Variants in TTC29 observed in about 807,000 individuals in gnomAD.
TTC29 encodes the protein tetratricopeptide repeat protein 29.
A neutral mutation model predicts 58.1 loss-of-function variants in TTC29; 49 were observed. The observed-to-expected ratio is 0.84, with a 90% confidence interval of 0.67 to 1.07. The LOEUF is 1.07. Among genes scored for constraint, TTC29 ranks in the 50% least tolerant of loss-of-function variants. The pLI is 0.00. For synonymous variants in TTC29, 209 were observed against 196.8 expected (o/e 1.06, Z -0.52); for missense variants, 582 against 555.6 (o/e 1.05, Z -0.48).
chr4:146,917,433 G>A (rs1372297083), intron 4 of TTC29, among the ~76,000 whole-genome samples: 5 of 147,532 alleles, frequency 3.4e-5, no homozygotes, highest in Non-Finnish European at 7.5e-5. Flanking sequence ...TGATTTTTTT[G>A]CAGAATTTAT....
intron 9 of TTC29, among the ~76,000 whole-genome samples, chr4:146,828,620 T>C (rs12512057): frequency 0.062 from 9,465 of 152,062 alleles, 396 homozygotes; most frequent in Admixed American, 0.13. Context: ...TCAAGATATA[T>C]ACAAACAAAG....
chr4:146,894,416 A>C (rs1180410849), intron 6 of TTC29, among the ~76,000 whole-genome samples: 1 of 151,854 alleles, frequency 6.6e-6, no homozygotes, highest in Non-Finnish European at 1.5e-5. Context: ...CATTCTCAGC[A>C]AACTATCACA....
At chr4:146,737,044 G>A (rs1744756998) in intron 11 of TTC29, among the ~76,000 whole-genome samples, 2 of 152,150 alleles carry the variant, frequency 1.3e-5, no homozygotes, top group African/African-American at 4.8e-5. Context: ...CTGCCACTTT[G>A]ATCAAAGAAG....
At chr4:146,725,954 C>T (rs768309000) in intron 11 of TTC29, among the ~76,000 whole-genome samples, 1 of 152,114 alleles carries the variant, frequency 6.6e-6, no homozygotes, top group Non-Finnish European at 1.5e-5. Flanking sequence ...TCCACTGCAG[C>T]CTGCAACTCC....
chr4:146,928,032 A>G (rs976546912), intron 4 of TTC29, among the ~76,000 whole-genome samples: 2 of 152,178 alleles, frequency 1.3e-5, no homozygotes, highest in African/African-American at 4.8e-5. Context: ...TGCACTGGAG[A>G]TTACAAGATA....
At position 146,874,765 on chromosome 4, in the gene TTC29, G is replaced by A. The variant is rs763399136; in HGVS notation, c.750C>T (p.Tyr250=). Reference sequence around the variant, plus strand: ...TTATTAGAATTTTGATGGCCTGTTTGTATTCTTTATTTTCTAGCATTTTGT... The same window carrying A: ...TTATTAGAATTTTGATGGCCTGTTTATATTCTTTATTTTCTAGCATTTTGT... ...LSDKMLENKE[Y]KQAIKILIKA... Residue 250 remains tyrosine, a synonymous_variant, in exon 7 of 13, where the codon TAC becomes TAT. Transcript: ENST00000325106. 2 of 1,609,224 alleles carry A rather than the reference G, an allele frequency of 1.2e-6. No individual in the cohort carries two copies. Among genetic ancestry groups the A allele is most frequent in the East Asian group, 4.5e-5 (2 of 44,668 alleles).
chr4:146,864,915 AT>A (rs35568981), intron 8 of TTC29, among the ~76,000 whole-genome samples: 9,079 of 146,542 alleles, frequency 0.062, 402 homozygotes, highest in East Asian at 0.13. Context: ...TAGGAAGTAG[AT>A]TTTTTTTTTT....
chr4:146,854,196 G>T (rs1729690033), intron 8 of TTC29, among the ~76,000 whole-genome samples: 1 of 152,028 alleles, frequency 6.6e-6, no homozygotes, highest in Non-Finnish European at 1.5e-5. Flanking sequence ...TCCCAAATAA[G>T]CCACATGTAC....
intron 11 of TTC29, among the ~76,000 whole-genome samples, chr4:146,792,009 A>C (rs1749492806): frequency 1.3e-5 from 2 of 152,228 alleles, no homozygotes; most frequent in Admixed American, 1.3e-4. Flanking sequence ...ATTGGTTAAG[A>C]GAAGAAGTCA....
chr4:146,771,775 G>A (rs1213283300), intron 11 of TTC29, among the ~76,000 whole-genome samples: 1 of 152,020 alleles, frequency 6.6e-6, no homozygotes, highest in Non-Finnish European at 1.5e-5. Context: ...GGTATACACC[G>A]AGTAACAGGG....
intron 9 of TTC29, among the ~76,000 whole-genome samples, chr4:146,832,051 C>G (rs1438853469): frequency 1.3e-5 from 2 of 152,158 alleles, no homozygotes; most frequent in African/African-American, 2.4e-5. Flanking sequence ...CACCCACCAC[C>G]ACACCCAGCT....
At chr4:146,917,716 C>T (rs1280559225) in intron 4 of TTC29, among the ~76,000 whole-genome samples, 1 of 121,438 alleles carries the variant, frequency 8.2e-6, no homozygotes, top group Admixed American at 9.1e-5. Context: ...ATATGATACA[C>T]AATTTATATA....
intron 9 of TTC29, among the ~76,000 whole-genome samples, chr4:146,829,833 G>A (rs1728044197): frequency 6.6e-6 from 1 of 152,140 alleles, no homozygotes; most frequent in Non-Finnish European, 1.5e-5. Context: ...TGGGTTAGTT[G>A]TGACCAATAT....
At chr4:146,781,676 A>T (rs939572865) in intron 11 of TTC29, among the ~76,000 whole-genome samples, 2 of 151,998 alleles carry the variant, frequency 1.3e-5, no homozygotes, top group Admixed American at 1.3e-4. Context: ...GCTCACTAAC[A>T]TACTATTCCA....
At chr4:146,885,498 T>C (rs551814604) in intron 6 of TTC29, among the ~76,000 whole-genome samples, 1 of 152,214 alleles carries the variant, frequency 6.6e-6, no homozygotes, top group African/African-American at 2.4e-5. Context: ...TAGAACGACA[T>C]TCCATATTAT....
At position 146,737,602 on chromosome 4, in the gene TTC29, G is replaced by C. The variant is rs113849951; in HGVS notation, c.1331-30051C>G. 9.7e-3 allele frequency among the ~76,000 whole-genome samples: 1,343 copies of C among 139,014 alleles called. 100 individuals are homozygous for C. The highest frequency in any genetic ancestry group is 0.066 in the Admixed American group (906 of 13,750). 91.2% of individuals were successfully genotyped at this position (139,014 alleles called of 152,430 possible). A position where few individuals can be genotyped will look rare whatever the true frequency, so the allele number is the denominator to read the frequency against. On this transcript the variant is annotated intron_variant, in intron 11 of 12. Transcript: ENST00000325106. The stretch of plus-strand genomic sequence containing the variant: ...ATGCTAGTAGCCCTGGGGGGGGGGG[G>C]GCTACAAACGGGTCTTGACAGGAAT...
At chr4:146,864,169 T>C (rs1358973457) in intron 8 of TTC29, among the ~76,000 whole-genome samples, 1 of 152,122 alleles carries the variant, frequency 6.6e-6, no homozygotes, top group Non-Finnish European at 1.5e-5. Context: ...CCTCCAATTC[T>C]ACATATCCAA....
Position 146,798,292 on chromosome 4 carries a change from G to A in TTC29, c.1330+5165C>T, listed in dbSNP as rs375359423. Among the ~76,000 whole-genome samples, 448 of 152,182 alleles carry A rather than the reference G, an allele frequency of 2.9e-3. 2 individuals carry two copies. The highest frequency in any genetic ancestry group is 0.01 in the Middle Eastern group (3 of 294). On this transcript the variant is annotated intron_variant, in intron 11 of 12. Transcript: ENST00000325106. ...CAGCGGGGGATAGGGTAGGGTTGAG[G>A]AAATGCTAAGGGGAAGTAAGACACA...
chr4:146,745,200 G>A (rs1561082575), intron 11 of TTC29, among the ~76,000 whole-genome samples: 1 of 152,226 alleles, frequency 6.6e-6, no homozygotes, highest in Non-Finnish European at 1.5e-5. Context: ...GAGTAAAGTA[G>A]GAGTCGAGCA....
Sources: gnomAD v4.1 joint callset for allele counts (sites outside exome capture counted in the v4.1 genomes callset) on GRCh38, gnomAD v4.1.1 for gene constraint, MANE v1.5 for transcripts, NCBI Gene and HGNC (gene_info 2026-07-23, HGNC 2026-07-21) for gene names.